Variants in GLIS3 observed in about 807,000 individuals in gnomAD.
GLIS3 encodes the protein GLIS family zinc finger 3, also known as zinc finger protein GLIS3.
Under a neutral mutation model 78.6 loss-of-function variants are expected in GLIS3, and 53 were observed. The ratio of observed to expected loss-of-function variants is 0.67; its 90% CI spans 0.54 to 0.85. The LOEUF (loss-of-function observed/expected upper bound fraction) is 0.85. Ranked by LOEUF, GLIS3 falls within the 40% of genes least tolerant of loss-of-function variation. GLIS3 has a pLI of 0.00. For missense variants in GLIS3, 1,703 were observed against 1,231.1 expected, an observed-to-expected ratio of 1.38 and a Z score of -5.74; for synonymous variants, 684 against 509.9, an observed-to-expected ratio of 1.34 and a Z score of -4.60.
At chr9:4,115,269 G>A (rs1300208233) in intron 4 of GLIS3, among the ~76,000 whole-genome samples, 5 of 152,122 alleles carry the variant, frequency 3.3e-5, no homozygotes, top group African/African-American at 4.8e-5. Flanking sequence ...AAAATGGCCC[G>A]GCTCTTATCA....
chr9:4,193,474 G>T (rs530784895), intron 2 of GLIS3, among the ~76,000 whole-genome samples: 1 of 152,218 alleles, frequency 6.6e-6, no homozygotes, highest in African/African-American at 2.4e-5. Context: ...TGTTATAGAA[G>T]ATGGATAAAA....
At chr9:3,930,230 C>A (rs1227365567) in intron 6 of GLIS3, among the ~76,000 whole-genome samples, 2 of 152,204 alleles carry the variant, frequency 1.3e-5, no homozygotes, top group East Asian at 1.9e-4. Context: ...CTGTGCAATG[C>A]GAGTCAACAA....
intron 2 of GLIS3, among the ~76,000 whole-genome samples, chr9:4,141,144 T>C (rs529063109): frequency 6.6e-6 from 1 of 152,152 alleles, no homozygotes; most frequent in Admixed American, 6.5e-5. Flanking sequence ...CTAAATTCAC[T>C]GAGATTATTC....
At chr9:3,968,520 AT>A (rs1428277626) in intron 4 of GLIS3, among the ~76,000 whole-genome samples, 1 of 152,232 alleles carries the variant, frequency 6.6e-6, no homozygotes, top group Admixed American at 6.5e-5. Flanking sequence ...ACAGTGATAT[AT>A]TAAGGAAAAA....
chr9:4,068,717 G>T (rs911195296), intron 4 of GLIS3, among the ~76,000 whole-genome samples: 3 of 152,070 alleles, frequency 2.0e-5, no homozygotes, highest in African/African-American at 7.2e-5. Context: ...ACCAAGTAAG[G>T]AGACAGAGCC....
At chr9:4,051,365 G>A (rs550800914) in intron 4 of GLIS3, among the ~76,000 whole-genome samples, 49 of 152,278 alleles carry the variant, frequency 3.2e-4, no homozygotes, top group African/African-American at 1.1e-3. Flanking sequence ...AGAAGCTATC[G>A]GGAACATTCT....
chr9:3,952,993 C>A (rs1355831305), intron 4 of GLIS3, among the ~76,000 whole-genome samples: 2 of 152,134 alleles, frequency 1.3e-5, no homozygotes, highest in Non-Finnish European at 2.9e-5. Flanking sequence ...ATTGTGATTG[C>A]TACCTAGGTA....
chr9:4,408,296 G>T, the GLIS3 span, among the ~76,000 whole-genome samples: 1 of 152,030 alleles, frequency 6.6e-6, no homozygotes, highest in African/African-American at 2.4e-5. Context: ...TCAGTATATC[G>T]AGGAGCTATC....
In GLIS3 at chr9:4,118,417, A is replaced by C; in HGVS notation, c.1061T>G (p.Val354Gly). Residue 354 changes from valine (V) to glycine (G), a missense_variant, in exon 4 of 11, where the codon GTG becomes GGG. Transcript: ENST00000381971. This position sits in a 1 kb window ranked among gnomAD's most constrained non-coding sequence, Gnocchi z 4.7. ...CGGCTGGGGAATGCAGCTGCCGCGC[A>C]CGCCCAGGAAATGCCCGTAGACCTC... ...QPEVYGHFLG[V>G]RGSCIPQPRP... is the part of the protein sequence containing the mutation. The C allele has an allele frequency of 6.2e-7, 1 of 1,609,504 alleles. No individual in the cohort carries two copies. The highest frequency in any genetic ancestry group is 8.5e-7 in the Non-Finnish European group (1 of 1,179,814).
chr9:4,434,094 CAAA>C, the GLIS3 span, among the ~76,000 whole-genome samples: 3 of 100,218 alleles, frequency 3.0e-5, no homozygotes. Flanking sequence ...GACTCTGTCT[CAAA>C]AAAAAAAAAA....
chr9:4,139,512 C>T (rs1202537896), intron 2 of GLIS3, among the ~76,000 whole-genome samples: 3 of 152,204 alleles, frequency 2.0e-5, no homozygotes, highest in South Asian at 2.1e-4. Flanking sequence ...AGAAATATTA[C>T]TCGTTCGCCC....
chr9:3,924,229 G>T (rs1825075968), intron 6 of GLIS3, among the ~76,000 whole-genome samples: 1 of 152,220 alleles, frequency 6.6e-6, no homozygotes, highest in South Asian at 2.1e-4. Context: ...TTCTTAGGAA[G>T]GAAAATATTT....
intron 5 of GLIS3, chr9:3,932,931 G>C (rs1021662829): frequency 2.6e-5 from 8 of 302,394 alleles, no homozygotes; most frequent in African/African-American, 1.7e-4. Context: ...GATTCAGAAA[G>C]AGAAAGGGAG....
the GLIS3 span, among the ~76,000 whole-genome samples, chr9:4,398,080 T>A: frequency 6.6e-6 from 1 of 151,962 alleles, no homozygotes; most frequent in Non-Finnish European, 1.5e-5. Context: ...CAGTTTAAGA[T>A]CTTCAGTTAC....
intron 2 of GLIS3, among the ~76,000 whole-genome samples, chr9:4,211,803 G>A (rs77675541): frequency 0.024 from 3,687 of 152,288 alleles, 154 homozygotes; most frequent in African/African-American, 0.079. Flanking sequence ...GAAGTAAAAT[G>A]TAATATACTC....
intron 4 of GLIS3, among the ~76,000 whole-genome samples, chr9:4,089,020 A>G (rs1243637999): frequency 6.6e-6 from 1 of 152,254 alleles, no homozygotes; most frequent in Non-Finnish European, 1.5e-5. Flanking sequence ...GTGTTAAAAC[A>G]AAGCTGGTAG....
chr9:4,347,735 GT>G lies in GLIS3; in HGVS notation n.161+496del, dbSNP rs146978879. Among the ~76,000 whole-genome samples, 16 of 151,206 alleles carry G rather than the reference GT, an allele frequency of 1.1e-4. No individual in the cohort carries two copies. In the East Asian group the frequency reaches 1.4e-3, roughly 13 times the overall value. ...TTGTTTTTGGTTTGGTTTTTTTGAGGTTTTTTTTTGGTGGGGGTTGGGGGAG... is the reference window on the plus strand; with the variant it reads ...TTGTTTTTGGTTTGGTTTTTTTGAGGTTTTTTTTGGTGGGGGTTGGGGGAG... On this transcript the variant is annotated intron_variant and non_coding_transcript_variant, in intron 1 of 4. Coordinates refer to the GLIS3 transcript ENST00000471664.
At chr9:3,970,585 G>T (rs580899) in intron 4 of GLIS3, among the ~76,000 whole-genome samples, 7 of 151,972 alleles carry the variant, frequency 4.6e-5, no homozygotes, top group Non-Finnish European at 8.8e-5. Flanking sequence ...CTAATGCACA[G>T]GACAGCCCTC....
intron 8 of GLIS3, among the ~76,000 whole-genome samples, chr9:3,867,509 C>T (rs188993737): frequency 6.6e-6 from 1 of 152,326 alleles, no homozygotes; most frequent in East Asian, 1.9e-4. Flanking sequence ...ACTGGCTGGC[C>T]ATTCTACCCT....
Sources: allele counts gnomAD v4.1 joint callset (sites outside exome capture counted in the v4.1 genomes callset), GRCh38; gene constraint gnomAD v4.1.1; non-coding constraint Gnocchi (gnomAD v3.1); transcripts MANE v1.5; gene names NCBI Gene and HGNC (gene_info 2026-07-23, HGNC 2026-07-21).